The following RFX7 variants were observed in gnomAD, a reference collection of about 807,000 sequenced individuals.
RFX7 encodes DNA-binding protein RFX7.
A neutral mutation model predicts 111.8 loss-of-function variants in RFX7; 26 were observed. The ratio of observed to expected loss-of-function variants is 0.23; its 90% confidence interval spans 0.17 to 0.32. RFX7 has a LOEUF of 0.32. Ranked by LOEUF, RFX7 falls within the 10% of genes least tolerant of loss-of-function variation. The pLI is 1.00. For missense variants in RFX7, 1,573 were observed against 1,772.9 expected, an observed-to-expected ratio of 0.89 and a Z score of 2.02; for synonymous variants, 624 against 624.4, an observed-to-expected ratio of 1.00 and a Z score of 0.01.
intron 2 of RFX7, among the ~76,000 whole-genome samples, chr15:56,215,361 A>G (rs2043353324): frequency 6.6e-6 from 1 of 152,206 alleles, no homozygotes; most frequent in African/African-American, 2.4e-5. Context: ...CATCAAGTTA[A>G]AGAAGTCCCC....
chr15:56,104,078 A>G (rs956637593), intron 5 of RFX7, among the ~76,000 whole-genome samples: 1 of 152,162 alleles, frequency 6.6e-6, no homozygotes, highest in Non-Finnish European at 1.5e-5. Flanking sequence ...TAATACTACT[A>G]GGTGGTTTAA....
intron 5 of RFX7, among the ~76,000 whole-genome samples, chr15:56,141,296 G>A (rs1221509220): frequency 6.6e-6 from 1 of 151,902 alleles, no homozygotes; most frequent in Non-Finnish European, 1.5e-5. Context: ...GGGAGTGGGA[G>A]TTAAAGCTGC....
intron 5 of RFX7, among the ~76,000 whole-genome samples, chr15:56,134,591 ACT>A (rs1372844111): frequency 1.9e-5 from 2 of 104,880 alleles, no homozygotes; most frequent in African/African-American, 6.6e-5. Context: ...TATCTAAATC[ACT>A]TTCTTTTTTT....
intron 2 of RFX7, among the ~76,000 whole-genome samples, chr15:56,237,172 G>C (rs1473833339): frequency 6.6e-6 from 1 of 152,130 alleles, no homozygotes; most frequent in Admixed American, 6.5e-5. Flanking sequence ...CGGTCACTTA[G>C]TAAAAATCTC....
intron 2 of RFX7, among the ~76,000 whole-genome samples, chr15:56,201,041 T>C (rs1358528507): frequency 2.0e-5 from 3 of 152,108 alleles, no homozygotes; most frequent in African/African-American, 4.8e-5. Context: ...GAAGTTAAAA[T>C]GAGAATTCCA....
At chr15:56,108,824 A>G (rs1244778624) in intron 5 of RFX7, among the ~76,000 whole-genome samples, 2 of 152,220 alleles carry the variant, frequency 1.3e-5, no homozygotes, top group African/African-American at 2.4e-5. Flanking sequence ...AAAACTCTTT[A>G]AACTGATAAG....
intron 2 of RFX7, among the ~76,000 whole-genome samples, chr15:56,214,002 T>C (rs1405423558): frequency 6.6e-6 from 1 of 152,218 alleles, no homozygotes; most frequent in Non-Finnish European, 1.5e-5. Flanking sequence ...AGCACCATTA[T>C]ATAGCCCATT....
intron 2 of RFX7, among the ~76,000 whole-genome samples, chr15:56,190,793 ACT>A (rs1397125885): frequency 1.3e-5 from 2 of 151,938 alleles, no homozygotes; most frequent in Non-Finnish European, 2.9e-5. Flanking sequence ...ACTGGAAAAA[ACT>A]CTCTAATATG....
chr15:56,151,167 G>A (rs112793761), intron 3 of RFX7, among the ~76,000 whole-genome samples: 26 of 152,140 alleles, frequency 1.7e-4, no homozygotes, highest in East Asian at 5.8e-4. Context: ...TTCTCCAACC[G>A]AGCAAGACAG....
At chr15:56,110,289 T>C (rs868559446) in intron 5 of RFX7, among the ~76,000 whole-genome samples, 164 of 38,064 alleles carry the variant, frequency 4.3e-3, no homozygotes, top group Middle Eastern at 0.025. Flanking sequence ...GCCCCCCGCC[T>C]GGCCAGCCGC....
At chr15:56,236,796 CACAA>C (rs1265649804) in intron 2 of RFX7, among the ~76,000 whole-genome samples, 1 of 152,208 alleles carries the variant, frequency 6.6e-6, no homozygotes, top group Admixed American at 6.5e-5. Context: ...AAAAGCAGCA[CACAA>C]ACAGCCTCCC....
At chr15:56,175,206 A>T (rs1462654461) in intron 3 of RFX7, among the ~76,000 whole-genome samples, 1 of 152,152 alleles carries the variant, frequency 6.6e-6, no homozygotes, top group Non-Finnish European at 1.5e-5. Flanking sequence ...GCATCTAAAA[A>T]CTTTTAGTTT....
At chr15:56,140,426 C>T (rs1414019609) in intron 5 of RFX7, among the ~76,000 whole-genome samples, 1 of 152,240 alleles carries the variant, frequency 6.6e-6, no homozygotes, top group Non-Finnish European at 1.5e-5. Context: ...AGGGAACTCC[C>T]TGACCCCTTG....
intron 5 of RFX7, among the ~76,000 whole-genome samples, chr15:56,109,332 T>A (rs1327793583): frequency 2.0e-5 from 3 of 152,060 alleles, no homozygotes; most frequent in Admixed American, 2.0e-4. Context: ...GCAGACGGAG[T>A]CTCCTTCACT....
At chr15:56,200,567 G>A (rs1596004864) in intron 2 of RFX7, among the ~76,000 whole-genome samples, 3 of 152,144 alleles carry the variant, frequency 2.0e-5, no homozygotes, top group South Asian at 2.1e-4. Context: ...TTGGGAGGCC[G>A]AGGTGGGCGG....
At chr15:56,131,653 G>C (rs1357972397) in intron 5 of RFX7, among the ~76,000 whole-genome samples, 4 of 152,128 alleles carry the variant, frequency 2.6e-5, no homozygotes, top group African/African-American at 9.7e-5. Flanking sequence ...AATATTTAAT[G>C]AATTCCAATA....
chr15:56,127,838 G>A (rs925371568), intron 5 of RFX7, among the ~76,000 whole-genome samples: 6 of 151,258 alleles, frequency 4.0e-5, no homozygotes, highest in Admixed American at 1.3e-4. Context: ...GAGCCACTGC[G>A]CCCGGCCGAA....
intron 5 of RFX7, among the ~76,000 whole-genome samples, chr15:56,125,591 G>T (rs574676740): frequency 2.7e-4 from 38 of 141,264 alleles, no homozygotes; most frequent in African/African-American, 9.5e-4. Flanking sequence ...GTATTCTGAG[G>T]GTTTCTTCTG....
At chr15:56,169,700 C>CTTTTTTTTT (rs35597885) in intron 3 of RFX7, among the ~76,000 whole-genome samples, 8 of 96,868 alleles carry the variant, frequency 8.3e-5, no homozygotes, top group Admixed American at 2.4e-4. Flanking sequence ...CTAGTCAGTT[C>CTTTTTTTTT]TTTTTTTTTT....
Sources: gnomAD v4.1 joint callset for allele counts (sites outside exome capture counted in the v4.1 genomes callset) on GRCh38, gnomAD v4.1.1 for gene constraint, MANE v1.5 for transcripts, NCBI Gene and HGNC (gene_info 2026-07-23, HGNC 2026-07-21) for gene names.